ATP11C: variants seen among roughly 807,000 people sequenced by gnomAD.
The protein encoded by ATP11C is phospholipid-transporting ATPase IG.
In ATP11C, 36 loss-of-function variants were observed where a neutral mutation model predicts 97.4. The observed-to-expected ratio is 0.37, with a 90% CI of 0.28 to 0.49. ATP11C has a LOEUF of 0.49. ATP11C is among the 20% of genes least tolerant of loss of function. The pLI, the probability that ATP11C is intolerant of heterozygous loss-of-function variation, is 0.98. For synonymous variants in ATP11C, 275 were observed against 290.9 expected (o/e 0.95, Z 0.56); for missense variants, 730 against 824.6 (o/e 0.89, Z 1.40).
chrX:139,846,180 G>A (rs997305908), intron 1 of ATP11C, among the ~76,000 whole-genome samples: 2 of 112,154 alleles, frequency 1.8e-5, no homozygotes, highest in Admixed American at 9.5e-5. Flanking sequence ...ATAACAAACC[G>A]GAATAAGCTT....
intron 5 of ATP11C, among the ~76,000 whole-genome samples, chrX:139,811,447 T>A (rs762773450): frequency 1.8e-5 from 2 of 111,967 alleles, no homozygotes; most frequent in South Asian, 7.5e-4. Flanking sequence ...TGTCCCTAAA[T>A]CTGTTTTTCT....
intron 18 of ATP11C, among the ~76,000 whole-genome samples, chrX:139,780,510 T>TAA (rs61157633): frequency 1.2e-4 from 12 of 97,869 alleles, no homozygotes; most frequent in African/African-American, 4.4e-4. Flanking sequence ...ACCTTGATGA[T>TAA]AAAAAAAAAA....
Position 139,745,765 on chromosome X carries a change from G to A in ATP11C, c.2921C>T (p.Thr974Ile). 1 of 1,208,147 alleles carries A rather than the reference G, an allele frequency of 8.3e-7. No individual in the cohort carries two copies. Among genetic ancestry groups the A allele is most frequent in the Non-Finnish European group, 1.1e-6 (1 of 893,619 alleles). ...GGATGCAGTCTGAAAAAGAAAGTAA[G>A]TCCCAAAGAAGAACACTGTCCCTTC... is the stretch of plus-strand genomic sequence containing the variant. ...AFEGTVFFFG[T>I]YFLFQTASLE... Residue 974 changes from threonine to isoleucine, a missense_variant, in exon 25 of 30, where the codon ACT becomes ATT. By Grantham distance (89) the Thr-to-Ile change is moderately conservative. Transcript: ENST00000682941.
intron 1 of ATP11C, among the ~76,000 whole-genome samples, chrX:139,929,042 A>G (rs751943661): frequency 3.9e-4 from 44 of 112,724 alleles, no homozygotes; most frequent in African/African-American, 1.3e-3. Flanking sequence ...ACAAGACAGG[A>G]TAACATAAAA....
intron 1 of ATP11C, among the ~76,000 whole-genome samples, chrX:139,928,456 G>A (rs2085386515): frequency 9.0e-6 from 1 of 111,481 alleles, no homozygotes. Flanking sequence ...ATAGTTTAAA[G>A]GGGAAACTAA....
intron 12 of ATP11C, among the ~76,000 whole-genome samples, chrX:139,792,023 G>GAT (rs1343073997): frequency 9.0e-6 from 1 of 110,754 alleles, no homozygotes; most frequent in African/African-American, 3.3e-5. Flanking sequence ...GGGGCCCCTA[G>GAT]ATAGCTTCAG....
chrX:139,819,333 C>G lies in ATP11C; in HGVS notation c.237+5G>C, dbSNP rs752063107. 3 of 997,974 alleles carry G rather than the reference C, an allele frequency of 3.0e-6. No homozygotes were observed. Among genetic ancestry groups the G allele is most frequent in the Non-Finnish European group, 4.0e-6 (3 of 742,366 alleles). The allele number at this position is 997,974 out of a possible 1,213,427, so 82.2% of individuals were successfully genotyped here. ...AAGTTAAGTGGCTGTTTAAGGAGCTCTTACCTGTACAAGGAAGATTATGAG... is the reference window on the plus strand; with the variant it reads ...AAGTTAAGTGGCTGTTTAAGGAGCTGTTACCTGTACAAGGAAGATTATGAG... On this transcript the variant is annotated splice_donor_5th_base_variant and intron_variant, in intron 3 of 29. Transcript: ENST00000682941.
chrX:139,740,097 T>C (rs1476107881), intron 27 of ATP11C, among the ~76,000 whole-genome samples: 4 of 111,803 alleles, frequency 3.6e-5, no homozygotes, highest in African/African-American at 1.3e-4. Flanking sequence ...AGAATCATTT[T>C]GTATGTAAGA....
In ATP11C at chrX:139,741,092, A is replaced by G; in HGVS notation, c.3033T>C (p.Leu1011=). The change falls in exon 27 of 30, where the codon CTT becomes CTC. Residue 1011 remains leucine (L), a splice_region_variant and synonymous_variant. Coordinates refer to ENST00000682941, the MANE Select transcript of ATP11C (RefSeq NM_001353812.2). ...TVLVFTVTLK[L]ALDTRFWTWI... Reference sequence around the variant, plus strand: ...ACGTCCAGAATCGGGTATCCAAGGCAAGCTGAAAAGATACAACACAAAAGA... The same window carrying G: ...ACGTCCAGAATCGGGTATCCAAGGCGAGCTGAAAAGATACAACACAAAAGA... The G allele has an allele frequency of 8.6e-7, 1 of 1,168,357 alleles. No individual in the cohort carries two copies. The highest frequency in any genetic ancestry group is 1.2e-6 in the Non-Finnish European group (1 of 856,705).
chrX:139,887,213 C>A (rs1434598474), intron 1 of ATP11C, among the ~76,000 whole-genome samples: 1 of 112,048 alleles, frequency 8.9e-6, no homozygotes, highest in Non-Finnish European at 1.9e-5. Context: ...ACCGGAAATT[C>A]ATCATAGACT....
chrX:139,840,972 C>T (rs748570828), intron 1 of ATP11C, among the ~76,000 whole-genome samples: 12 of 111,491 alleles, frequency 1.1e-4, no homozygotes, highest in Non-Finnish European at 2.3e-4. Flanking sequence ...AGAACTTACT[C>T]ATGTAACCAA....
Position 139,861,993 on chromosome X carries a change from G to C in ATP11C, c.28-35170C>G, listed in dbSNP as rs369716765. Among the ~76,000 whole-genome samples the C allele has an allele frequency of 1.6e-4, 18 of 111,701 alleles. No individual in the cohort carries two copies. The East Asian group carries it at 4.5e-3, about 28-fold the overall frequency. ...AGAGGACCCTGTCCCATACCCTAAG[G>C]GAAGGAATGCTACACAGAGTAGCCA... On this transcript the variant is annotated intron_variant, in intron 1 of 29. Transcript: ENST00000682941.
intron 5 of ATP11C, among the ~76,000 whole-genome samples, chrX:139,807,230 C>CT (rs1569465001): frequency 9.0e-6 from 1 of 110,946 alleles, no homozygotes; most frequent in Non-Finnish European, 1.9e-5. Flanking sequence ...CTCTGGGACT[C>CT]GGGAATATAG....
At chrX:139,879,104 A>G (rs1408894866) in intron 1 of ATP11C, among the ~76,000 whole-genome samples, 1 of 110,970 alleles carries the variant, frequency 9.0e-6, no homozygotes, top group Non-Finnish European at 1.9e-5. Context: ...GCAAGACCTC[A>G]TGTCAAAAAC....
intron 1 of ATP11C, chrX:139,924,145 G>C (rs2085312846): frequency 2.6e-6 from 1 of 382,575 alleles, no homozygotes; most frequent in African/African-American, 2.6e-5. Flanking sequence ...CCACGAACTT[G>C]GCGATGCTCC....
chrX:139,854,396 G>C (rs2084055523), intron 1 of ATP11C, among the ~76,000 whole-genome samples: 1 of 112,029 alleles, frequency 8.9e-6, no homozygotes, highest in South Asian at 3.7e-4. Context: ...GCCTTAGGCA[G>C]TCTAGTCCAC....
intron 6 of ATP11C, among the ~76,000 whole-genome samples, chrX:139,803,336 A>G (rs2082965025): frequency 8.9e-6 from 1 of 111,974 alleles, no homozygotes; most frequent in South Asian, 3.7e-4. Flanking sequence ...AGAATTAGTC[A>G]TCCAACAGGT....
intron 22 of ATP11C, among the ~76,000 whole-genome samples, chrX:139,759,066 G>A (rs768342233): frequency 6.3e-5 from 7 of 111,802 alleles, no homozygotes; most frequent in East Asian, 2.8e-4. Flanking sequence ...ATCAGTTCTG[G>A]TACAATGCAA....
At chrX:139,860,812 C>T (rs1038892931) in intron 1 of ATP11C, among the ~76,000 whole-genome samples, 10 of 111,713 alleles carry the variant, frequency 9.0e-5, no homozygotes, top group East Asian at 2.8e-4. Context: ...AGCGAGACTC[C>T]GTCTCAGAAA....
Sources: gnomAD v4.1 joint callset for allele counts (sites outside exome capture counted in the v4.1 genomes callset) on GRCh38, gnomAD v4.1.1 for gene constraint, MANE v1.5 for transcripts, NCBI Gene and HGNC (gene_info 2026-07-23, HGNC 2026-07-21) for gene names.